The following KCNJ3 variants were observed in gnomAD, a reference collection of about 807,000 sequenced individuals.
KCNJ3 encodes potassium inwardly rectifying channel subfamily J member 3.
KCNJ3 carries 4 observed loss-of-function variants against 39.2 expected under a neutral mutation model. The ratio of observed to expected loss-of-function variants is 0.10; its 90% CI spans 0.05 to 0.23. The LOEUF is 0.23. Ranked by LOEUF, KCNJ3 falls within the 10% of genes least tolerant of loss-of-function variation. The pLI, the probability that KCNJ3 is intolerant of heterozygous loss-of-function variation, is 1.00. For synonymous variants in KCNJ3, 230 were observed against 237.4 expected, an observed-to-expected ratio of 0.97 and a Z score of 0.29; for missense variants, 276 against 634.9, an observed-to-expected ratio of 0.43 and a Z score of 6.08.
chr2:154,780,489 G>A (rs1490291831), intron 2 of KCNJ3, among the ~76,000 whole-genome samples: 1 of 152,018 alleles, frequency 6.6e-6, no homozygotes, highest in Non-Finnish European at 1.5e-5. Context: ...GAAACCACTG[G>A]TAACAGTCAA....
At chr2:154,700,829 A>T (rs993791634) in intron 1 of KCNJ3, among the ~76,000 whole-genome samples, 1 of 152,172 alleles carries the variant, frequency 6.6e-6, no homozygotes, top group African/African-American at 2.4e-5. Flanking sequence ...AAAGCAGTTC[A>T]CTTGTCCTGT....
rs1182604722 is a variant in KCNJ3 at position 154,729,633 on chromosome 2, C to T, written c.919+19814C>T. Reference sequence around the variant, plus strand: ...CCATCTGCAGTAAAGCAGTATATGGCTTATAATGTTTGATAACAAAAGTTA... The same window carrying T: ...CCATCTGCAGTAAAGCAGTATATGGTTTATAATGTTTGATAACAAAAGTTA... On this transcript the variant is annotated intron_variant, in intron 2 of 2. Transcript: ENST00000295101. 8.5e-5 allele frequency among the ~76,000 whole-genome samples: 13 copies of T among 152,166 alleles called. No homozygotes were observed. In the East Asian group the frequency reaches 1.2e-3, roughly 14 times the overall value.
At chr2:154,821,680 C>T (rs560574822) in intron 2 of KCNJ3, among the ~76,000 whole-genome samples, 3 of 120,664 alleles carry the variant, frequency 2.5e-5, no homozygotes, top group East Asian at 2.7e-4. Context: ...CTCACTCTGT[C>T]GTCCAGGCTA....
chr2:154,854,842 C>T lies in KCNJ3; in HGVS notation c.1035C>T (p.Phe345=), dbSNP rs202065352. ...TCTTTAAAGTTGATTACTCCCAGTT[C>T]CATGCAACATTTGAAGTCCCCACCC... ...EGFFKVDYSQ[F]HATFEVPTPP... The change falls in exon 3 of 3, where the codon TTC becomes TTT. Residue 345 remains phenylalanine (F), a synonymous_variant. Transcript: ENST00000295101. 1.2e-6 allele frequency: 2 copies of T among 1,613,706 alleles called. No individual in the cohort carries two copies. The highest frequency in any genetic ancestry group is 1.7e-6 in the Non-Finnish European group (2 of 1,179,876).
intron 2 of KCNJ3, among the ~76,000 whole-genome samples, chr2:154,778,053 C>T (rs10804161): frequency 0.61 from 92,350 of 151,876 alleles, 28,591 homozygotes; most frequent in African/African-American, 0.72. Context: ...AGGAGAGTAA[C>T]AATTAGAAAT....
chr2:154,786,340 A>C (rs1196171551), intron 2 of KCNJ3, among the ~76,000 whole-genome samples: 1 of 152,226 alleles, frequency 6.6e-6, no homozygotes, highest in African/African-American at 2.4e-5. Flanking sequence ...CTTGGGAACC[A>C]AGGGGACATA....
At chr2:154,767,186 C>A (rs1015845825) in intron 2 of KCNJ3, among the ~76,000 whole-genome samples, 4 of 148,778 alleles carry the variant, frequency 2.7e-5, no homozygotes, top group Non-Finnish European at 5.9e-5. Context: ...CATTCTTTAC[C>A]TTTTTTTTTA....
intron 2 of KCNJ3, among the ~76,000 whole-genome samples, chr2:154,851,095 A>G (rs763692766): frequency 2.6e-5 from 4 of 152,054 alleles, no homozygotes; most frequent in Admixed American, 2.6e-4. Flanking sequence ...ATTGAAAATT[A>G]GCCAGACTTG....
intron 2 of KCNJ3, among the ~76,000 whole-genome samples, chr2:154,730,902 TAAAC>T (rs1367801800): frequency 6.6e-6 from 1 of 152,078 alleles, no homozygotes; most frequent in Non-Finnish European, 1.5e-5. Context: ...TATGGTGAAA[TAAAC>T]CTACCAAAAA....
At chr2:154,786,223 G>C (rs1038185452) in intron 2 of KCNJ3, among the ~76,000 whole-genome samples, 5 of 152,154 alleles carry the variant, frequency 3.3e-5, no homozygotes, top group Non-Finnish European at 7.3e-5. Context: ...ATAGCCACCA[G>C]TTAGAAGAAT....
At chr2:154,740,712 A>T (rs753296399) in intron 2 of KCNJ3, among the ~76,000 whole-genome samples, 6 of 151,924 alleles carry the variant, frequency 3.9e-5, no homozygotes, top group Non-Finnish European at 7.4e-5. Context: ...TTTTGGTGAA[A>T]GTTTTATATA....
At chr2:154,749,792 T>C (rs1411538486) in intron 2 of KCNJ3, among the ~76,000 whole-genome samples, 1 of 151,966 alleles carries the variant, frequency 6.6e-6, no homozygotes, top group Non-Finnish European at 1.5e-5. Flanking sequence ...CCTCCATCTT[T>C]GAAGACAGCC....
intron 2 of KCNJ3, among the ~76,000 whole-genome samples, chr2:154,846,890 TTTC>T (rs1197929586): frequency 6.6e-6 from 1 of 152,198 alleles, no homozygotes; most frequent in East Asian, 1.9e-4. Context: ...CAACTGGGCT[TTTC>T]TTCTTTTTTT....
At chr2:154,728,335 T>C (rs1459674310) in intron 2 of KCNJ3, among the ~76,000 whole-genome samples, 3 of 152,250 alleles carry the variant, frequency 2.0e-5, no homozygotes, top group Non-Finnish European at 2.9e-5. Flanking sequence ...CTTGTCTTTA[T>C]GTATTTTTCC....
chr2:154,719,110 G>C (rs531116165), intron 2 of KCNJ3, among the ~76,000 whole-genome samples: 2 of 152,206 alleles, frequency 1.3e-5, no homozygotes, highest in African/African-American at 4.8e-5. Context: ...TTATTAAAAT[G>C]CTGACTTGTG....
intron 2 of KCNJ3, among the ~76,000 whole-genome samples, chr2:154,824,646 G>C (rs75771860): frequency 0.048 from 7,232 of 152,226 alleles, 216 homozygotes; most frequent in African/African-American, 0.064. Context: ...GGTATTTCTT[G>C]TATTGAGAAA....
At position 154,790,816 on chromosome 2, in the gene KCNJ3, G is replaced by A. The variant is rs879075955; in HGVS notation, c.920-63911G>A. 3.3e-5 allele frequency among the ~76,000 whole-genome samples: 5 copies of A among 152,056 alleles called. No individual in the cohort carries two copies. In the South Asian group the frequency reaches 8.3e-4, roughly 25 times the overall value. ...GTATGGAATATACAGCAGGAATTGC[G>A]TGGGAGTCCTGAGAGGTCTGCCAGG... On this transcript the variant is annotated intron_variant, in intron 2 of 2. Transcript: ENST00000295101.
chr2:154,706,340 T>C (rs368629040), intron 1 of KCNJ3, among the ~76,000 whole-genome samples: 2 of 152,092 alleles, frequency 1.3e-5, no homozygotes, highest in South Asian at 2.1e-4. Context: ...ATGCTTAACA[T>C]GACACAATGA....
At chr2:154,763,481 A>G (rs962493694) in intron 2 of KCNJ3, among the ~76,000 whole-genome samples, 1 of 151,668 alleles carries the variant, frequency 6.6e-6, no homozygotes, top group Admixed American at 6.6e-5. Flanking sequence ...GTGCTGATCC[A>G]TGTCACCATC....
Sources: gnomAD v4.1 joint callset for allele counts (sites outside exome capture counted in the v4.1 genomes callset) on GRCh38, gnomAD v4.1.1 for gene constraint, MANE v1.5 for transcripts, NCBI Gene and HGNC (gene_info 2026-07-23, HGNC 2026-07-21) for gene names.